Variants in RBFOX3 observed in about 807,000 individuals in gnomAD.
RBFOX3 encodes RNA binding fox-1 homolog 3.
Under a neutral mutation model 48.7 loss-of-function variants are expected in RBFOX3, and 17 were observed. The ratio of observed to expected loss-of-function variants is 0.35; its 90% CI spans 0.24 to 0.52. RBFOX3 has a LOEUF of 0.52. Ranked by LOEUF, RBFOX3 falls within the 20% of genes least tolerant of loss-of-function variation. The probability of loss-of-function intolerance (pLI) is 0.94; values close to 1 mark genes in which losing one functional copy is unlikely to be tolerated. For missense variants in RBFOX3, 382 were observed against 497.5 expected (o/e 0.77, Z 2.21); for synonymous variants, 212 against 209.5 (o/e 1.01, Z -0.10).
rs2055492049 is a variant in RBFOX3, at chr17:79,195,920, C to A, written c.-34+39846G>T. On this transcript the variant is annotated intron_variant, in intron 4 of 14. Transcript: ENST00000693108. This position sits in a 1 kb window ranked among gnomAD's most constrained non-coding sequence, Gnocchi z 5.3. Reference sequence around the variant, plus strand: ...GGTAGAAGGAGAGGCCTCGGAAATGCCATTCCAGTGAAACTGGGCATGGCG... The same window carrying A: ...GGTAGAAGGAGAGGCCTCGGAAATGACATTCCAGTGAAACTGGGCATGGCG... Among the ~76,000 whole-genome samples the A allele has an allele frequency of 6.6e-6, 1 of 152,206 alleles. No individual in the cohort carries two copies. The highest frequency in any genetic ancestry group is 1.5e-5 in the Non-Finnish European group (1 of 68,046).
At chr17:79,282,521 G>A (rs1416539426) in intron 3 of RBFOX3, among the ~76,000 whole-genome samples, 3 of 151,790 alleles carry the variant, frequency 2.0e-5, no homozygotes, top group Non-Finnish European at 4.4e-5. Context: ...TTAGCTGGAA[G>A]CCTGGTTGGG....
At chr17:79,494,201 C>G (rs1555773979) in intron 1 of RBFOX3, among the ~76,000 whole-genome samples, 1 of 152,150 alleles carries the variant, frequency 6.6e-6, no homozygotes, top group Non-Finnish European at 1.5e-5. Flanking sequence ...CAAACATCAA[C>G]AGGCTGAGGC....
At chr17:79,658,682 G>A in the RBFOX3 span, among the ~76,000 whole-genome samples, 1 of 152,084 alleles carries the variant, frequency 6.6e-6, no homozygotes, top group Non-Finnish European at 1.5e-5. Context: ...CCTGAGGCCA[G>A]TATCTCTGCC....
chr17:79,238,824 C>T (rs1329772126), intron 3 of RBFOX3, among the ~76,000 whole-genome samples: 1 of 152,208 alleles, frequency 6.6e-6, no homozygotes, highest in Non-Finnish European at 1.5e-5. Flanking sequence ...GGGGCTGAGC[C>T]ACATTTCAAT....
intron 1 of RBFOX3, among the ~76,000 whole-genome samples, chr17:79,559,365 G>A (rs1377203946): frequency 6.6e-6 from 1 of 151,770 alleles, no homozygotes; most frequent in Non-Finnish European, 1.5e-5. Context: ...ATGGGTGGAT[G>A]GGATGGATGA....
intron 4 of RBFOX3, among the ~76,000 whole-genome samples, chr17:79,149,677 C>A (rs1056999332): frequency 6.6e-6 from 1 of 151,884 alleles, no homozygotes; most frequent in Non-Finnish European, 1.5e-5. Context: ...GGGGCTCATG[C>A]CCGCCCGCTC....
At chr17:79,369,649 A>G (rs2058260456) in intron 2 of RBFOX3, among the ~76,000 whole-genome samples, 1 of 151,978 alleles carries the variant, frequency 6.6e-6, no homozygotes, top group East Asian at 1.9e-4. Flanking sequence ...TTCTGCCCGC[A>G]ATGGCCTTGG....
chr17:79,328,832 C>T (rs543549232), intron 2 of RBFOX3, among the ~76,000 whole-genome samples: 14 of 152,298 alleles, frequency 9.2e-5, no homozygotes, highest in Admixed American at 3.9e-4. Context: ...GACCAAGCAG[C>T]GCAGGGTTAG....
At chr17:79,215,390 A>G (rs955996726) in intron 4 of RBFOX3, among the ~76,000 whole-genome samples, 4 of 152,222 alleles carry the variant, frequency 2.6e-5, no homozygotes, top group East Asian at 3.9e-4. Flanking sequence ...CACCCTACTC[A>G]TGCTCAGACG....
At chr17:79,292,281 G>A (rs566087149) in intron 3 of RBFOX3, among the ~76,000 whole-genome samples, 9 of 152,090 alleles carry the variant, frequency 5.9e-5, no homozygotes, top group South Asian at 2.1e-4. Flanking sequence ...AATCCCACTC[G>A]TGTGCATCTT....
At chr17:79,184,088 G>A (rs1385885020) in intron 4 of RBFOX3, among the ~76,000 whole-genome samples, 1 of 147,218 alleles carries the variant, frequency 6.8e-6, no homozygotes, top group Non-Finnish European at 1.5e-5. Flanking sequence ...AAGGGAGGCC[G>A]GCTCAGTGGC....
intron 2 of RBFOX3, among the ~76,000 whole-genome samples, chr17:79,401,194 A>G (rs1470904814): frequency 6.6e-6 from 1 of 152,212 alleles, no homozygotes; most frequent in African/African-American, 2.4e-5. Context: ...CAAAGGAAAG[A>G]TAAGAACTTC....
At chr17:79,304,159 G>A (rs1456590309) in intron 3 of RBFOX3, among the ~76,000 whole-genome samples, 1 of 152,036 alleles carries the variant, frequency 6.6e-6, no homozygotes, top group Non-Finnish European at 1.5e-5. Context: ...TTTGGAAATA[G>A]GGTTGGTGGT....
the RBFOX3 span, among the ~76,000 whole-genome samples, chr17:79,629,485 T>C: frequency 6.6e-6 from 1 of 152,142 alleles, no homozygotes; most frequent in Non-Finnish European, 1.5e-5. Flanking sequence ...AAAATGCCCA[T>C]TGCACCCAGT....
chr17:79,579,593 G>C (rs2092978643), intron 1 of RBFOX3, among the ~76,000 whole-genome samples: 1 of 152,072 alleles, frequency 6.6e-6, no homozygotes, highest in African/African-American at 2.4e-5. Flanking sequence ...GCAAGCTCCG[G>C]GGCTGGCGGG....
chr17:79,561,805 C>A (rs1186780582), intron 1 of RBFOX3, among the ~76,000 whole-genome samples: 1 of 152,160 alleles, frequency 6.6e-6, no homozygotes, highest in Non-Finnish European at 1.5e-5. Context: ...GGACTTAGAC[C>A]CAAAGCAGGC....
chr17:79,378,519 G>A (rs774726195), intron 2 of RBFOX3, among the ~76,000 whole-genome samples: 3 of 152,296 alleles, frequency 2.0e-5, no homozygotes, highest in African/African-American at 4.8e-5. Context: ...ACCCGTGGCC[G>A]CCCTTTTGGG....
At chr17:79,551,894 T>C (rs1259413628) in intron 1 of RBFOX3, among the ~76,000 whole-genome samples, 3 of 152,198 alleles carry the variant, frequency 2.0e-5, no homozygotes, top group African/African-American at 4.8e-5. Flanking sequence ...CTGTTCTTTA[T>C]AAATTACTCA....
Position 79,243,434 on chromosome 17 carries a change from G to A in RBFOX3, c.-73-7629C>T, listed in dbSNP as rs2062692703. Among the ~76,000 whole-genome samples, 1 of 152,154 alleles carries A rather than the reference G, an allele frequency of 6.6e-6. No homozygotes were observed. Among genetic ancestry groups the A allele is most frequent in the Non-Finnish European group, 1.5e-5 (1 of 68,030 alleles). On this transcript the variant is annotated intron_variant, in intron 3 of 14. Transcript: ENST00000693108. This position sits in a 1 kb window ranked among gnomAD's most constrained non-coding sequence, Gnocchi z 7.9. Reference sequence around the variant, plus strand: ...CATCAGCCCAAACCTTCTGTGACCAGTTGACTCTTCCAGCTGTGCTGGGCT... The same window carrying A: ...CATCAGCCCAAACCTTCTGTGACCAATTGACTCTTCCAGCTGTGCTGGGCT...
Sources: gnomAD v4.1 joint callset for allele counts (sites outside exome capture counted in the v4.1 genomes callset) on GRCh38, gnomAD v4.1.1 for gene constraint, Gnocchi (gnomAD v3.1) non-coding constraint, MANE v1.5 for transcripts, NCBI Gene and HGNC (gene_info 2026-07-23, HGNC 2026-07-21) for gene names.